Variants in PAPPA2 observed in about 807,000 individuals in gnomAD.
The protein encoded by PAPPA2 is pappalysin-2.
PAPPA2 carries 86 observed loss-of-function variants against 176.4 expected under a neutral mutation model. That is an observed-to-expected ratio of 0.49 (90% CI 0.41 to 0.58). The LOEUF (loss-of-function observed/expected upper bound fraction) is 0.58, where lower values mean the gene tolerates loss of function less well. Among genes scored for constraint, PAPPA2 ranks in the 20% least tolerant of loss-of-function variants. The pLI is 0.00. For synonymous variants in PAPPA2, 809 were observed against 852.2 expected (o/e 0.95, Z 0.88); for missense variants, 2,073 against 2,256.9 (o/e 0.92, Z 1.65).
chr1:176,623,611 C>T lies in PAPPA2; in HGVS notation c.1991+28016C>T, dbSNP rs1180681047. ...CCTTCCTTCCTTCCTTCCTTCCTTC[C>T]TTCCTTCCTTCCTTTTTTACTTTCT... On this transcript the variant is annotated intron_variant, in intron 3 of 22. Coordinates refer to ENST00000367662, the MANE Select transcript of PAPPA2 (RefSeq NM_020318.3). Among the ~76,000 whole-genome samples the T allele has an allele frequency of 6.2e-3, 698 of 111,700 alleles. 5 individuals are homozygous for T. Among genetic ancestry groups the T allele is most frequent in the African/African-American group, 0.015 (377 of 25,960 alleles). 73.3% of individuals were successfully genotyped at this position (111,700 alleles called of 152,430 possible).
intron 4 of PAPPA2, among the ~76,000 whole-genome samples, chr1:176,681,880 G>A (rs751429897): frequency 2.6e-5 from 4 of 152,208 alleles, no homozygotes; most frequent in Non-Finnish European, 5.9e-5. Flanking sequence ...GGAGGTGAGC[G>A]GTCTGTGAAT....
At chr1:176,644,364 A>G (rs1185539902) in intron 3 of PAPPA2, among the ~76,000 whole-genome samples, 1 of 151,812 alleles carries the variant, frequency 6.6e-6, no homozygotes, top group Non-Finnish European at 1.5e-5. Flanking sequence ...TTACAACCCA[A>G]TAGGACTTGT....
chr1:176,517,415 A>C (rs1035863586), intron 1 of PAPPA2, among the ~76,000 whole-genome samples: 2 of 152,218 alleles, frequency 1.3e-5, no homozygotes, highest in South Asian at 4.1e-4. Context: ...CAGCAACGTC[A>C]ATGTCTTTTA....
At chr1:176,563,973 C>T (rs550910049) in intron 2 of PAPPA2, among the ~76,000 whole-genome samples, 90 of 152,276 alleles carry the variant, frequency 5.9e-4, no homozygotes, top group Non-Finnish European at 1.1e-3. Flanking sequence ...ATCCCACCTT[C>T]CTTCCCTCTT....
At chr1:176,777,751 T>A (rs1333092317) in intron 17 of PAPPA2, among the ~76,000 whole-genome samples, 2 of 152,130 alleles carry the variant, frequency 1.3e-5, no homozygotes, top group Non-Finnish European at 2.9e-5. Context: ...AATGAGATAA[T>A]AGATGGAAAG....
At position 176,765,727 on chromosome 1, in the gene PAPPA2, G is replaced by A. The variant is rs1246341501; in HGVS notation, c.4213G>A (p.Asp1405Asn). 6.2e-7 allele frequency: 1 copy of A among 1,614,090 alleles called. No individual in the cohort carries two copies. The highest frequency in any genetic ancestry group is 8.5e-7 in the Non-Finnish European group (1 of 1,180,024). ...TCCGTCATTGCTGCTTGATCATGCT[G>A]ATGTGGTGAACTGTACCTCTATAGG... ...SCPSLLLDHADVVNCTSIGPG... is the reference protein window; with the variant it reads ...SCPSLLLDHANVVNCTSIGPG... The change falls in exon 15 of 23, where the codon GAT becomes AAT. Residue 1405 changes from aspartate (D) to asparagine (N), a missense_variant. Coordinates refer to ENST00000367662, the MANE Select transcript of PAPPA2 (RefSeq NM_020318.3).
intron 3 of PAPPA2, among the ~76,000 whole-genome samples, chr1:176,666,045 A>T (rs922455754): frequency 6.6e-6 from 1 of 152,186 alleles, no homozygotes. Flanking sequence ...AGGGCTCCCA[A>T]TGGTGAGCAT....
chr1:176,749,595 T>C (rs536682470), intron 14 of PAPPA2, among the ~76,000 whole-genome samples: 1 of 152,312 alleles, frequency 6.6e-6, no homozygotes, highest in South Asian at 2.1e-4. Flanking sequence ...GTGTTCTGCC[T>C]ATTCACCACC....
At position 176,570,524 on chromosome 1, in the gene PAPPA2, TTAA is replaced by T. The variant is rs1422026934; in HGVS notation, c.919+13287_919+13289del. Among the ~76,000 whole-genome samples, 8 of 152,246 alleles carry T rather than the reference TTAA, an allele frequency of 5.3e-5. No individual in the cohort carries two copies. The South Asian group carries it at 1.7e-3, about 32-fold the overall frequency. ...TAGACATTGTTTGTTTCAAGGCACA[TTAA>T]TAACTTGAAATAATTGCACAATAGA... On this transcript the variant is annotated intron_variant, in intron 2 of 22. Coordinates refer to ENST00000367662, the MANE Select transcript of PAPPA2 (RefSeq NM_020318.3).
intron 12 of PAPPA2, among the ~76,000 whole-genome samples, chr1:176,720,979 T>C (rs1661589186): frequency 6.6e-6 from 1 of 152,174 alleles, no homozygotes. Context: ...CTTTCACCTG[T>C]TTGTTCCATC....
chr1:176,812,149 A>T (rs951733151), intron 21 of PAPPA2, among the ~76,000 whole-genome samples: 1 of 149,680 alleles, frequency 6.7e-6, no homozygotes, highest in African/African-American at 2.5e-5. Flanking sequence ...TCTTTATGAC[A>T]TCTGTTATCC....
At chr1:176,731,714 T>TAC (rs550280621) in intron 12 of PAPPA2, among the ~76,000 whole-genome samples, 22 of 149,704 alleles carry the variant, frequency 1.5e-4, no homozygotes, top group African/African-American at 3.3e-4. Flanking sequence ...TGTGTATATA[T>TAC]ACACACATAT....
At chr1:176,819,754 G>C (rs1666579466) in intron 21 of PAPPA2, among the ~76,000 whole-genome samples, 1 of 152,202 alleles carries the variant, frequency 6.6e-6, no homozygotes, top group African/African-American at 2.4e-5. Context: ...CAAGGAAGCA[G>C]AATGCCTTCC....
At chr1:176,464,922 A>G (rs1651545202) in intron 1 of PAPPA2, among the ~76,000 whole-genome samples, 1 of 152,226 alleles carries the variant, frequency 6.6e-6, no homozygotes, top group African/African-American at 2.4e-5. Flanking sequence ...AGGTGGCTGG[A>G]TAGTGGTTAT....
At chr1:176,667,181 G>A (rs1277246122) in intron 3 of PAPPA2, among the ~76,000 whole-genome samples, 2 of 152,022 alleles carry the variant, frequency 1.3e-5, no homozygotes, top group Admixed American at 1.3e-4. Context: ...GGGAGGTGGA[G>A]GTTGTGTTGA....
At chr1:176,668,177 G>T (rs1362138987) in intron 3 of PAPPA2, among the ~76,000 whole-genome samples, 1 of 152,160 alleles carries the variant, frequency 6.6e-6, no homozygotes, top group Admixed American at 6.5e-5. Context: ...CAGCTCCAAG[G>T]ACAGCCTGTT....
intron 17 of PAPPA2, among the ~76,000 whole-genome samples, chr1:176,781,154 G>A (rs1051291829): frequency 3.9e-5 from 6 of 151,938 alleles, no homozygotes; most frequent in Non-Finnish European, 5.9e-5. Flanking sequence ...ATGGAGAAGG[G>A]GCCCCAAACT....
intron 3 of PAPPA2, among the ~76,000 whole-genome samples, chr1:176,660,126 T>C (rs556171984): frequency 1.6e-4 from 24 of 152,254 alleles, no homozygotes; most frequent in Middle Eastern, 3.4e-3. Flanking sequence ...AAAGTTGTAA[T>C]GTCCTTAAAG....
intron 21 of PAPPA2, among the ~76,000 whole-genome samples, chr1:176,826,013 T>C (rs61821288): frequency 0.067 from 10,154 of 152,258 alleles, 395 homozygotes; most frequent in Non-Finnish European, 0.086. Context: ...TGAGGAATTA[T>C]TACCATTGCT....
Sources: gnomAD v4.1 joint callset for allele counts (sites outside exome capture counted in the v4.1 genomes callset) on GRCh38, gnomAD v4.1.1 for gene constraint, MANE v1.5 for transcripts, NCBI Gene and HGNC (gene_info 2026-07-23, HGNC 2026-07-21) for gene names.